GRIN2B: variants seen among roughly 807,000 people sequenced by gnomAD.
The protein encoded by GRIN2B is glutamate ionotropic receptor NMDA type subunit 2B, also known as glutamate receptor ionotropic, NMDA 2B.
Under a neutral mutation model 114.5 loss-of-function variants are expected in GRIN2B, and 5 were observed. The ratio of observed to expected loss-of-function variants is 0.04; its 90% CI spans 0.02 to 0.09. GRIN2B has a LOEUF of 0.09. Ranked by LOEUF, GRIN2B falls within the 10% of genes least tolerant of loss-of-function variation. GRIN2B has a pLI of 1.00. For missense variants in GRIN2B, 1,108 were observed against 1,943.5 expected, an observed-to-expected ratio of 0.57 and a Z score of 8.08; for synonymous variants, 787 against 745.1, an observed-to-expected ratio of 1.06 and a Z score of -0.92.
chr12:13,963,397 G>T (rs139349070), intron 2 of GRIN2B, among the ~76,000 whole-genome samples: 4 of 152,164 alleles, frequency 2.6e-5, no homozygotes, highest in Non-Finnish European at 5.9e-5. Flanking sequence ...GTGGAGGGTC[G>T]TTGAGGCACA....
intron 4 of GRIN2B, among the ~76,000 whole-genome samples, chr12:13,697,524 T>C (rs1361874171): frequency 6.6e-6 from 1 of 152,162 alleles, no homozygotes; most frequent in African/African-American, 2.4e-5. Flanking sequence ...ACTTCTTATT[T>C]GACAGTGACA....
chr12:13,729,667 A>G (rs1256707537), intron 4 of GRIN2B, among the ~76,000 whole-genome samples: 1 of 152,106 alleles, frequency 6.6e-6, no homozygotes, highest in African/African-American at 2.4e-5. Context: ...CCAGAAAAGA[A>G]ATAGCTGAAA....
intron 3 of GRIN2B, among the ~76,000 whole-genome samples, chr12:13,842,165 A>T (rs1448662903): frequency 6.6e-6 from 1 of 152,164 alleles, no homozygotes; most frequent in Non-Finnish European, 1.5e-5. Context: ...ACCATATCCC[A>T]ATATGACACT....
At chr12:13,769,015 C>A (rs917603650) in intron 3 of GRIN2B, among the ~76,000 whole-genome samples, 1 of 152,164 alleles carries the variant, frequency 6.6e-6, no homozygotes, top group Non-Finnish European at 1.5e-5. Flanking sequence ...GCTTGGGCAA[C>A]AGAGTAAGAC....
chr12:13,869,088 A>G (rs886844284), intron 2 of GRIN2B, among the ~76,000 whole-genome samples: 1 of 152,210 alleles, frequency 6.6e-6, no homozygotes, highest in African/African-American at 2.4e-5. Context: ...GCATGTATCT[A>G]TCTAAATACA....
rs567781321 is a variant in GRIN2B, at chr12:13,610,605, GTC to G, written c.1780+1118_1780+1119del. Among the ~76,000 whole-genome samples, 28 of 152,288 alleles carry G rather than the reference GTC, an allele frequency of 1.8e-4. No homozygotes were observed. The South Asian group carries it at 5.4e-3, about 29-fold the overall frequency. ...ATACACAAACCAAATTAAAAGGTAG[GTC>G]TGCACTTGGAAATACTTCAGTAAAG... On this transcript the variant is annotated intron_variant, in intron 9 of 13. Transcript: ENST00000609686.
At chr12:13,801,891 G>T (rs1042250754) in intron 3 of GRIN2B, among the ~76,000 whole-genome samples, 1 of 152,026 alleles carries the variant, frequency 6.6e-6, no homozygotes, top group South Asian at 2.1e-4. Flanking sequence ...ACTTGGTTTA[G>T]ACAAGACGAG....
chr12:13,545,089 CT>C lies in GRIN2B; in HGVS notation c.*17693del, dbSNP rs1013320924. 2.0e-5 allele frequency: 3 copies of C among 152,298 alleles called. No individual in the cohort carries two copies. The highest frequency in any genetic ancestry group is 6.5e-5 in the Admixed American group (1 of 15,284). 9.4% of individuals were successfully genotyped at this position (152,298 alleles called of 1,614,324 possible). On this transcript the variant is annotated 3_prime_UTR_variant, in exon 14 of 14. Transcript: ENST00000609686. ...CATACTCTCCTCCTCCCTCATTGGC[CT>C]CCCGGCTCTTCCTCAAGTTTGCCAA...
intron 3 of GRIN2B, among the ~76,000 whole-genome samples, chr12:13,774,745 G>A (rs1345025138): frequency 6.6e-6 from 1 of 152,052 alleles, no homozygotes; most frequent in East Asian, 1.9e-4. Flanking sequence ...AATCTTTCCT[G>A]AGCACTTACC....
chr12:13,692,914 G>T (rs952321110), intron 4 of GRIN2B, among the ~76,000 whole-genome samples: 2 of 150,948 alleles, frequency 1.3e-5, no homozygotes, highest in African/African-American at 2.4e-5. Flanking sequence ...GATTACAGGC[G>T]CCTGCCACCA....
chr12:13,660,040 CT>C (rs1272559755), intron 5 of GRIN2B, among the ~76,000 whole-genome samples: 2 of 152,156 alleles, frequency 1.3e-5, no homozygotes, highest in Non-Finnish European at 2.9e-5. Flanking sequence ...ACATCAGTTC[CT>C]TGTCACTTGG....
chr12:13,758,770 A>G (rs1360323375), intron 3 of GRIN2B, among the ~76,000 whole-genome samples: 1 of 152,154 alleles, frequency 6.6e-6, no homozygotes, highest in Admixed American at 6.5e-5. Flanking sequence ...CTTTGCTTTT[A>G]TCACATCTTG....
At chr12:13,961,389 C>T (rs1163838080) in intron 2 of GRIN2B, among the ~76,000 whole-genome samples, 3 of 152,072 alleles carry the variant, frequency 2.0e-5, no homozygotes, top group East Asian at 1.9e-4. Flanking sequence ...GGAAGAAATG[C>T]TGCTGGACAC....
intron 3 of GRIN2B, among the ~76,000 whole-genome samples, chr12:13,801,201 G>A (rs754110548): frequency 5.3e-5 from 8 of 152,096 alleles, no homozygotes; most frequent in African/African-American, 9.7e-5. Flanking sequence ...AGGACAGTAC[G>A]TGATCATTAA....
At chr12:13,570,168 A>G in intron 11 of GRIN2B, 151 bp from the exon 12 acceptor site, 1 of 653,468 alleles carries the variant, frequency 1.5e-6, no homozygotes, top group Non-Finnish European at 2.7e-6. Context: ...CAGAATCTAA[A>G]GCCTAAATCC....
chr12:13,806,948 G>A (rs916861356), intron 3 of GRIN2B, among the ~76,000 whole-genome samples: 1 of 151,300 alleles, frequency 6.6e-6, no homozygotes, highest in Non-Finnish European at 1.5e-5. Context: ...GAGTAATATA[G>A]TCTGCCACTT....
chr12:13,691,713 A>G (rs1379148776), intron 4 of GRIN2B, among the ~76,000 whole-genome samples: 1 of 152,194 alleles, frequency 6.6e-6, no homozygotes, highest in East Asian at 1.9e-4. Context: ...AATGTGAGAG[A>G]ACAAGCACAC....
At position 13,641,159 on chromosome 12, in the gene GRIN2B, T is replaced by C. The variant is rs188793307; in HGVS notation, c.1126-24502A>G. On this transcript the variant is annotated intron_variant, in intron 5 of 13. Transcript: ENST00000609686. The stretch of plus-strand genomic sequence containing the variant: ...CAATCTCAGCTCACTGCAACCTCCA[T>C]CTCCTGGGTTCAAGTAATTCTCTTG... Among the ~76,000 whole-genome samples the C allele has an allele frequency of 3.0e-3, 452 of 152,030 alleles. 5 individuals are homozygous for C. Among genetic ancestry groups the C allele is most frequent in the African/African-American group, 0.01 (430 of 41,480 alleles).
chr12:13,663,173 C>A (rs1270319275), intron 5 of GRIN2B, among the ~76,000 whole-genome samples: 1 of 152,130 alleles, frequency 6.6e-6, no homozygotes, highest in African/African-American at 2.4e-5. Flanking sequence ...AGACCATTCA[C>A]CACTCCCCTC....
Sources: allele counts gnomAD v4.1 joint callset (sites outside exome capture counted in the v4.1 genomes callset), GRCh38; gene constraint gnomAD v4.1.1; transcripts MANE v1.5; gene names NCBI Gene and HGNC (gene_info 2026-07-23, HGNC 2026-07-21).